DPF3: variants seen among roughly 807,000 people sequenced by gnomAD.
The protein encoded by DPF3 is zinc finger protein DPF3.
In DPF3, 18 loss-of-function variants were observed where a neutral mutation model predicts 56.8. The ratio of observed to expected loss-of-function variants is 0.32; its 90% CI spans 0.22 to 0.47. The LOEUF (loss-of-function observed/expected upper bound fraction) is 0.47, where lower values mean the gene tolerates loss of function less well. Ranked by LOEUF, DPF3 falls within the 20% of genes least tolerant of loss-of-function variation. The probability of loss-of-function intolerance (pLI) is 1.00; values close to 1 mark genes in which losing one functional copy is unlikely to be tolerated. For missense variants in DPF3, 403 were observed against 488.8 expected (o/e 0.82, Z 1.65); for synonymous variants, 188 against 180.2 (o/e 1.04, Z -0.35).
At position 72,651,830 on chromosome 14, in the gene DPF3, T is replaced by C. The variant is rs1225139585; in HGVS notation, c.872-22094A>G. Among the ~76,000 whole-genome samples the C allele has an allele frequency of 2.0e-5, 3 of 152,278 alleles. No homozygotes were observed. The East Asian group carries it at 5.8e-4, about 29-fold the overall frequency. Reference sequence around the variant, plus strand: ...TAGGGTCCCACAGAGCTGCCCAGCATGGGGCAGGCTGGCCAGAGCAGCTGG... The same window carrying C: ...TAGGGTCCCACAGAGCTGCCCAGCACGGGGCAGGCTGGCCAGAGCAGCTGG... On this transcript the variant is annotated intron_variant, in intron 8 of 10. Coordinates refer to ENST00000556509, the MANE Select transcript of DPF3 (RefSeq NM_001280542.3).
intron 1 of DPF3, among the ~76,000 whole-genome samples, chr14:72,831,165 C>T (rs1001956426): frequency 8.5e-5 from 13 of 152,210 alleles, no homozygotes; most frequent in African/African-American, 3.1e-4. Flanking sequence ...TTGGGGGAAG[C>T]AAGGCAAACG....
intron 8 of DPF3, among the ~76,000 whole-genome samples, chr14:72,635,444 G>GA (rs1885357173): frequency 6.6e-6 from 1 of 152,188 alleles, no homozygotes; most frequent in South Asian, 2.1e-4. Flanking sequence ...CAGCAAATGG[G>GA]ATTTGTGGTA....
chr14:72,877,198 G>A (rs1187805695), intron 1 of DPF3, among the ~76,000 whole-genome samples: 4 of 152,178 alleles, frequency 2.6e-5, no homozygotes, highest in Admixed American at 6.5e-5. Context: ...GAAAGCAAAA[G>A]AAAAAGGAAA....
At chr14:72,820,668 C>T (rs1020331420) in intron 1 of DPF3, among the ~76,000 whole-genome samples, 2 of 152,120 alleles carry the variant, frequency 1.3e-5, no homozygotes, top group African/African-American at 4.8e-5. Flanking sequence ...AAGGAATAAA[C>T]AAAGATGAAT....
chr14:72,689,500 G>T (rs1296409626), intron 7 of DPF3, among the ~76,000 whole-genome samples: 1 of 152,102 alleles, frequency 6.6e-6, no homozygotes, highest in South Asian at 2.1e-4. Context: ...ACCAAGGGAG[G>T]ATCACGAAGC....
At chr14:72,708,924 C>T (rs1055810683) in intron 6 of DPF3, among the ~76,000 whole-genome samples, 6 of 152,092 alleles carry the variant, frequency 3.9e-5, no homozygotes, top group African/African-American at 1.2e-4. Flanking sequence ...CAGGGCAGTC[C>T]GGAGGCCCAA....
chr14:72,867,160 G>C (rs1885706688), intron 1 of DPF3, among the ~76,000 whole-genome samples: 1 of 152,092 alleles, frequency 6.6e-6, no homozygotes, highest in Admixed American at 6.5e-5. Flanking sequence ...GTCTCCCAAA[G>C]TGCTGGGATT....
At chr14:72,810,347 G>C (rs1882983934) in intron 1 of DPF3, among the ~76,000 whole-genome samples, 2 of 152,302 alleles carry the variant, frequency 1.3e-5, no homozygotes, top group South Asian at 2.1e-4. Flanking sequence ...CACTGCAAGG[G>C]CCTGCGGTCC....
chr14:72,782,192 T>G (rs1892003556), intron 1 of DPF3, among the ~76,000 whole-genome samples: 3 of 151,922 alleles, frequency 2.0e-5, no homozygotes, highest in Non-Finnish European at 4.4e-5. Flanking sequence ...GAACATGTTG[T>G]TCTATAGTCA....
At chr14:72,872,938 T>C (rs1233685414) in intron 1 of DPF3, among the ~76,000 whole-genome samples, 4 of 152,164 alleles carry the variant, frequency 2.6e-5, no homozygotes, top group African/African-American at 7.2e-5. Flanking sequence ...GGATTAAAGA[T>C]TTAAATGTTA....
At chr14:72,681,705 T>G (rs1056601674) in intron 7 of DPF3, among the ~76,000 whole-genome samples, 4 of 150,578 alleles carry the variant, frequency 2.7e-5, no homozygotes, top group Non-Finnish European at 5.9e-5. Context: ...CTCACACTGA[T>G]GTCTCCATCC....
intron 1 of DPF3, among the ~76,000 whole-genome samples, chr14:72,781,935 A>T (rs1891992762): frequency 6.6e-6 from 1 of 152,152 alleles, no homozygotes; most frequent in South Asian, 2.1e-4. Flanking sequence ...CGTCACAGAA[A>T]TTTCATTGAT....
intron 1 of DPF3, among the ~76,000 whole-genome samples, chr14:72,789,247 A>T (rs1426091332): frequency 6.6e-6 from 1 of 152,068 alleles, no homozygotes. Flanking sequence ...AGAAACAGGA[A>T]CCACATTTCA....
chr14:72,850,535 G>A (rs556129166), intron 1 of DPF3, among the ~76,000 whole-genome samples: 2 of 152,314 alleles, frequency 1.3e-5, no homozygotes, highest in African/African-American at 2.4e-5. Context: ...GCTCCCAGAT[G>A]TCCCCGCCCC....
intron 2 of DPF3, among the ~76,000 whole-genome samples, chr14:72,761,496 G>GA (rs1891067852): frequency 6.6e-6 from 1 of 151,864 alleles, no homozygotes; most frequent in Non-Finnish European, 1.5e-5. Context: ...AAACCAAACA[G>GA]AAAAATATTT....
intron 7 of DPF3, among the ~76,000 whole-genome samples, chr14:72,675,102 G>C (rs981849163): frequency 6.6e-6 from 1 of 152,190 alleles, no homozygotes; most frequent in Non-Finnish European, 1.5e-5. Flanking sequence ...CATGTCTTTA[G>C]GCTTAAGACC....
intron 1 of DPF3, among the ~76,000 whole-genome samples, chr14:72,889,855 T>G (rs1886683093): frequency 6.6e-6 from 1 of 152,214 alleles, no homozygotes; most frequent in African/African-American, 2.4e-5. Context: ...CAAGGTTAAC[T>G]CCTTACAAAA....
At chr14:72,698,218 G>C (rs1275875104) in intron 6 of DPF3, among the ~76,000 whole-genome samples, 1 of 152,178 alleles carries the variant, frequency 6.6e-6, no homozygotes, top group African/African-American at 2.4e-5. Flanking sequence ...CTTTACAATG[G>C]TGTGAAAGCA....
intron 5 of DPF3, among the ~76,000 whole-genome samples, chr14:72,721,512 G>A (rs542486082): frequency 3.3e-5 from 5 of 152,184 alleles, no homozygotes; most frequent in Admixed American, 6.5e-5. Context: ...CCTCCCCTCC[G>A]TGAATGGGTC....
Sources: allele counts gnomAD v4.1 joint callset (sites outside exome capture counted in the v4.1 genomes callset), GRCh38; gene constraint gnomAD v4.1.1; transcripts MANE v1.5; gene names NCBI Gene and HGNC (gene_info 2026-07-23, HGNC 2026-07-21).